DDX10: variants seen among roughly 807,000 people sequenced by gnomAD.
DDX10 encodes probable ATP-dependent RNA helicase DDX10.
In DDX10, 74 loss-of-function variants were observed where a neutral mutation model predicts 104.3. That is an observed-to-expected ratio of 0.71 (90% CI 0.59 to 0.86). DDX10 has a LOEUF of 0.86. Ranked by LOEUF, DDX10 falls within the 40% of genes least tolerant of loss-of-function variation. The pLI is 0.00. For missense variants in DDX10, 952 were observed against 1,040.0 expected (o/e 0.92, Z 1.16); for synonymous variants, 351 against 353.4 (o/e 0.99, Z 0.08).
chr11:108,867,993 A>G (rs575596642), intron 16 of DDX10, among the ~76,000 whole-genome samples: 1 of 152,188 alleles, frequency 6.6e-6, no homozygotes, highest in East Asian at 1.9e-4. Flanking sequence ...TTTCATTTGA[A>G]TGGTAGCTTG....
chr11:108,845,908 G>T (rs1301090180), intron 15 of DDX10, among the ~76,000 whole-genome samples: 1 of 152,090 alleles, frequency 6.6e-6, no homozygotes, highest in Non-Finnish European at 1.5e-5. Flanking sequence ...TCATAGCTTT[G>T]CATGTGCACT....
At chr11:108,779,672 AAAAT>A (rs1400700301) in intron 13 of DDX10, among the ~76,000 whole-genome samples, 1 of 152,176 alleles carries the variant, frequency 6.6e-6, no homozygotes, top group African/African-American at 2.4e-5. Flanking sequence ...GTAAAATAAA[AAAAT>A]AAAAAATAAT....
chr11:108,869,373 G>A (rs1328357435), intron 16 of DDX10, among the ~76,000 whole-genome samples: 3 of 151,982 alleles, frequency 2.0e-5, no homozygotes, highest in South Asian at 2.1e-4. Flanking sequence ...ATTGTTTAAC[G>A]TTGAAATCTA....
At chr11:108,934,722 C>T (rs1323452396) in intron 17 of DDX10, among the ~76,000 whole-genome samples, 1 of 152,216 alleles carries the variant, frequency 6.6e-6, no homozygotes, top group Non-Finnish European at 1.5e-5. Context: ...GGCGTTAACT[C>T]AGCAGAAGTT....
At chr11:108,874,439 T>C (rs771700139) in intron 16 of DDX10, among the ~76,000 whole-genome samples, 7 of 152,224 alleles carry the variant, frequency 4.6e-5, no homozygotes, top group Non-Finnish European at 1.0e-4. Context: ...TTCTGTTGAT[T>C]ACTCTACATT....
chr11:108,801,310 T>A (rs966573466), intron 13 of DDX10, among the ~76,000 whole-genome samples: 1 of 152,208 alleles, frequency 6.6e-6, no homozygotes, highest in African/African-American at 2.4e-5. Flanking sequence ...TGCCATAGAA[T>A]CAGCTAGTAG....
intron 14 of DDX10, among the ~76,000 whole-genome samples, chr11:108,840,425 T>C (rs1862621205): frequency 6.6e-6 from 1 of 152,024 alleles, no homozygotes; most frequent in African/African-American, 2.4e-5. Flanking sequence ...AAAACAAGAG[T>C]TATTGTTGTC....
At chr11:108,837,292 C>A (rs1293763143) in intron 13 of DDX10, among the ~76,000 whole-genome samples, 1 of 152,164 alleles carries the variant, frequency 6.6e-6, no homozygotes, top group Non-Finnish European at 1.5e-5. Context: ...CTAACTACTA[C>A]ACCAAAGACT....
intron 13 of DDX10, among the ~76,000 whole-genome samples, chr11:108,781,182 A>G (rs1474112805): frequency 6.6e-6 from 1 of 152,094 alleles, no homozygotes; most frequent in Middle Eastern, 3.2e-3. Flanking sequence ...TCCTGTGTTA[A>G]TTCATTTAGG....
chr11:108,731,690 CTG>C (rs1054314114), intron 13 of DDX10, among the ~76,000 whole-genome samples: 53 of 152,236 alleles, frequency 3.5e-4, no homozygotes, highest in African/African-American at 1.2e-3. Flanking sequence ...GTATAAATCA[CTG>C]CACCCATCCT....
At chr11:108,927,635 C>CTTTT (rs147115643) in intron 17 of DDX10, among the ~76,000 whole-genome samples, 6 of 146,510 alleles carry the variant, frequency 4.1e-5, no homozygotes, top group Non-Finnish European at 3.0e-5. Context: ...GCACTTGGAA[C>CTTTT]TTTTTTTTTT....
At chr11:108,798,097 G>A (rs1861971015) in intron 13 of DDX10, among the ~76,000 whole-genome samples, 1 of 152,134 alleles carries the variant, frequency 6.6e-6, no homozygotes, top group South Asian at 2.1e-4. Context: ...TGCGTACACA[G>A]TAATCTTCCT....
At chr11:108,816,341 A>G (rs1862254858) in intron 13 of DDX10, among the ~76,000 whole-genome samples, 1 of 152,172 alleles carries the variant, frequency 6.6e-6, no homozygotes, top group African/African-American at 2.4e-5. Context: ...TCTTTTAACT[A>G]GTTGTTTAAT....
chr11:108,766,677 T>C (rs1428389128), intron 13 of DDX10, among the ~76,000 whole-genome samples: 3 of 152,200 alleles, frequency 2.0e-5, no homozygotes. Context: ...GTTGTGGTTT[T>C]TGAGATTAAA....
chr11:108,673,476 A>T lies in DDX10; in HGVS notation c.196A>T (p.Asn66Tyr), dbSNP rs758771001. 7 of 1,592,712 alleles carry T rather than the reference A, an allele frequency of 4.4e-6. No homozygotes were observed. The South Asian group carries it at 7.7e-5, about 18-fold the overall frequency. Residue 66 changes from asparagine (N) to tyrosine (Y), a missense_variant, in exon 2 of 18, where the codon AAT becomes TAT. Around this residue, in one of 3 missense-constraint regions of DDX10, gnomAD observed 412 missense variants for 479.2 expected, o/e 0.86. Coordinates refer to ENST00000322536, the MANE Select transcript of DDX10 (RefSeq NM_004398.4). The part of the protein sequence containing the change: ...LMQNYEKINV[N>Y]EITRFSDFPL... The stretch of plus-strand genomic sequence containing the variant: ...TTTTCTTTTTTTCCAGATAAATGTA[A>T]ATGAAATCACAAGATTTTCAGATTT...
At chr11:108,677,480 A>G (rs1417414988) in intron 4 of DDX10, among the ~76,000 whole-genome samples, 6 of 151,990 alleles carry the variant, frequency 3.9e-5, no homozygotes, top group Non-Finnish European at 7.3e-5. Context: ...TCTCTAAGAC[A>G]TATTTACTCT....
chr11:108,864,331 A>G (rs1414514347), intron 16 of DDX10, among the ~76,000 whole-genome samples: 1 of 151,954 alleles, frequency 6.6e-6, no homozygotes, highest in Non-Finnish European at 1.5e-5. Context: ...ACTTACTTAC[A>G]TGTGTTCATG....
Position 108,693,620 on chromosome 11 carries a change from T to C in DDX10, c.1223+20T>C. ...TGCCAGGTAGGTGTACTGACTAATT[T>C]CTTTTCTTTTGCTACTATCTAAATA... On this transcript the variant is annotated intron_variant, in intron 9 of 17. Transcript: ENST00000322536. The C allele has an allele frequency of 2.6e-6, 4 of 1,557,092 alleles. No homozygotes were observed. Among genetic ancestry groups the C allele is most frequent in the Non-Finnish European group, 3.5e-6 (4 of 1,128,450 alleles).
intron 17 of DDX10, among the ~76,000 whole-genome samples, chr11:108,929,316 G>A (rs1231793316): frequency 6.6e-6 from 1 of 152,136 alleles, no homozygotes. Context: ...TAGCCAAGAT[G>A]GTTAAGAAGA....
Sources: allele counts gnomAD v4.1 joint callset (sites outside exome capture counted in the v4.1 genomes callset), GRCh38; gene constraint gnomAD v4.1.1; regional missense constraint gnomAD v4.1.1; transcripts MANE v1.5; gene names NCBI Gene and HGNC (gene_info 2026-07-23, HGNC 2026-07-21).